The following IKZF2 variants were observed in gnomAD, a reference collection of about 807,000 sequenced individuals.
IKZF2 encodes IKAROS family zinc finger 2.
A neutral mutation model predicts 49.2 loss-of-function variants in IKZF2; 15 were observed. The ratio of observed to expected loss-of-function variants is 0.30; its 90% CI spans 0.20 to 0.47. IKZF2 has a LOEUF of 0.47. Ranked by LOEUF, IKZF2 falls within the 20% of genes least tolerant of loss-of-function variation. The pLI is 1.00. For missense variants in IKZF2, 567 were observed against 664.6 expected (o/e 0.85, Z 1.61); for synonymous variants, 227 against 221.4 (o/e 1.03, Z -0.23).
At chr2:213,056,678 ACT>A in intron 5 of IKZF2, 153 bp downstream of exon 5, 1 of 874,994 alleles carries the variant, frequency 1.1e-6, no homozygotes, top group South Asian at 1.4e-5. Context: ...GACCCAGGCT[ACT>A]CTCTGTTTTT....
At chr2:213,124,227 C>T (rs956964163) in intron 4 of IKZF2, among the ~76,000 whole-genome samples, 12 of 145,116 alleles carry the variant, frequency 8.3e-5, no homozygotes, top group African/African-American at 1.6e-4. Context: ...CTTGTGTGCA[C>T]GCACACATGC....
intron 4 of IKZF2, among the ~76,000 whole-genome samples, chr2:213,087,660 C>G (rs1704792719): frequency 6.6e-6 from 1 of 152,094 alleles, no homozygotes; most frequent in African/African-American, 2.4e-5. Context: ...ACTCCCTGCA[C>G]CCCATGACAG....
intron 6 of IKZF2, among the ~76,000 whole-genome samples, chr2:213,034,132 G>A (rs1038286569): frequency 1.3e-5 from 2 of 152,080 alleles, no homozygotes; most frequent in South Asian, 2.1e-4. Flanking sequence ...CTCACATCTC[G>A]TGGCCTTCAG....
At chr2:213,010,102 GC>G (rs1434694904) in intron 8 of IKZF2, among the ~76,000 whole-genome samples, 2 of 152,070 alleles carry the variant, frequency 1.3e-5, no homozygotes, top group Non-Finnish European at 2.9e-5. Context: ...TAGGTTTCTG[GC>G]CTAGGAAATT....
At chr2:213,009,628 A>G (rs530164627) in intron 8 of IKZF2, among the ~76,000 whole-genome samples, 1 of 152,242 alleles carries the variant, frequency 6.6e-6, no homozygotes, top group South Asian at 2.1e-4. Flanking sequence ...AATGTCAAAC[A>G]TTTCCAAATT....
chr2:213,080,984 G>GT (rs981028355), intron 4 of IKZF2, among the ~76,000 whole-genome samples: 7 of 152,208 alleles, frequency 4.6e-5, no homozygotes, highest in African/African-American at 1.2e-4. Context: ...GTTAGGTTGA[G>GT]TTTTTTTAGT....
Position 213,060,633 on chromosome 2 carries a change from C to T in IKZF2, c.140-3534G>A, listed in dbSNP as rs73987750. On this transcript the variant is annotated intron_variant, in intron 4 of 8. Transcript: ENST00000434687. ...TAAAGAATGTAAAACTTGGGCATAT[C>T]TGTGGAAATGTACACACGTTATCAT... Among the ~76,000 whole-genome samples the T allele has an allele frequency of 5.3e-3, 801 of 151,394 alleles. 7 individuals carry two copies. The highest frequency in any genetic ancestry group is 0.018 in the African/African-American group (756 of 41,462).
chr2:213,040,206 T>C (rs1011674547), intron 6 of IKZF2, among the ~76,000 whole-genome samples: 5 of 151,206 alleles, frequency 3.3e-5, no homozygotes, highest in Middle Eastern at 6.8e-3. Flanking sequence ...CAGAGGTACA[T>C]GTGCAGGTTT....
At chr2:213,012,547 C>G (rs1696081592) in intron 8 of IKZF2, among the ~76,000 whole-genome samples, 1 of 151,664 alleles carries the variant, frequency 6.6e-6, no homozygotes, top group Non-Finnish European at 1.5e-5. Flanking sequence ...AAAAAAGTTA[C>G]CAAAGGCCTG....
At chr2:213,105,537 G>A (rs1056264811) in intron 4 of IKZF2, among the ~76,000 whole-genome samples, 5 of 121,224 alleles carry the variant, frequency 4.1e-5, no homozygotes, top group Admixed American at 1.1e-4. Context: ...CAAAAAGCTT[G>A]ATTAAATGAT....
intron 4 of IKZF2, among the ~76,000 whole-genome samples, chr2:213,112,872 C>T (rs1405064602): frequency 6.6e-6 from 1 of 152,042 alleles, no homozygotes; most frequent in Non-Finnish European, 1.5e-5. Context: ...TAGCATCTAC[C>T]TCATAGGGTT....
chr2:213,080,179 G>GAGATAGATAAATAGATAGAT (rs1553571238), intron 4 of IKZF2, among the ~76,000 whole-genome samples: 1 of 97,096 alleles, frequency 1.0e-5, no homozygotes, highest in African/African-American at 2.9e-5. Context: ...AATCTATATA[G>GAGATAGATAAATAGATAGAT]AGATAGATAG....
rs1257706891 is a variant in IKZF2 at position 213,006,350 on chromosome 2, C to T, written c.*1010G>A. ...AAAGGGATTTCTAAGTGGGTTTTCTCCCCCTACTGTTAGCATAATTATATT... is the reference window on the plus strand; with the variant it reads ...AAAGGGATTTCTAAGTGGGTTTTCTTCCCCTACTGTTAGCATAATTATATT... On this transcript the variant is annotated 3_prime_UTR_variant, in exon 9 of 9. Transcript: ENST00000434687. 2 of 152,390 alleles carry T rather than the reference C, an allele frequency of 1.3e-5. No individual in the cohort carries two copies. The highest frequency in any genetic ancestry group is 3.9e-4 in the East Asian group (2 of 5,174). The allele number at this position is 152,390 out of a possible 1,614,324, so 9.4% of individuals were successfully genotyped here.
chr2:213,044,474 T>C (rs1699965641), intron 6 of IKZF2, among the ~76,000 whole-genome samples: 2 of 152,208 alleles, frequency 1.3e-5, no homozygotes, highest in African/African-American at 4.8e-5. Context: ...GATAGCCTCC[T>C]TATCACAGAG....
At chr2:213,089,170 A>C (rs1453811214) in intron 4 of IKZF2, among the ~76,000 whole-genome samples, 1 of 152,172 alleles carries the variant, frequency 6.6e-6, no homozygotes, top group Admixed American at 6.6e-5. Flanking sequence ...CAGGCTACTT[A>C]AGCCAAACAC....
intron 3 of IKZF2, 43 bp from the exon 4 acceptor site, chr2:213,147,855 A>C (rs1270268661): frequency 6.9e-7 from 1 of 1,440,530 alleles, no homozygotes; most frequent in South Asian, 1.1e-5. Flanking sequence ...ATTCATTGTC[A>C]CATAAGATGT....
rs910128496 is a variant in IKZF2, at chr2:213,001,991, T to C, written c.*5369A>G. On this transcript the variant is annotated 3_prime_UTR_variant, in exon 9 of 9. Coordinates refer to ENST00000434687, the MANE Select transcript of IKZF2 (RefSeq NM_001387220.1). ...TAAATTAAAGTAAGTAAAATCTTGG[T>C]AAGTGCATAGTAGGGGATTCAGTGA... The C allele has an allele frequency of 2.0e-5, 3 of 151,482 alleles. No homozygotes were observed. The highest frequency in any genetic ancestry group is 6.6e-5 in the Admixed American group (1 of 15,160). 9.4% of individuals were successfully genotyped at this position (151,482 alleles called of 1,614,324 possible). A position where few individuals can be genotyped will look rare whatever the true frequency, so the allele number is the denominator to read the frequency against.
chr2:213,084,701 T>C (rs1704368600), intron 4 of IKZF2, among the ~76,000 whole-genome samples: 2 of 152,090 alleles, frequency 1.3e-5, no homozygotes. Flanking sequence ...TCTGAAGGCC[T>C]TTTACACATG....
intron 4 of IKZF2, among the ~76,000 whole-genome samples, chr2:213,124,295 C>T (rs1462450939): frequency 7.3e-6 from 1 of 136,572 alleles, no homozygotes; most frequent in African/African-American, 2.6e-5. Flanking sequence ...CACACACACA[C>T]ACAGCCACAC....
Sources: gnomAD v4.1 joint callset for allele counts (sites outside exome capture counted in the v4.1 genomes callset) on GRCh38, gnomAD v4.1.1 for gene constraint, MANE v1.5 for transcripts, NCBI Gene and HGNC (gene_info 2026-07-23, HGNC 2026-07-21) for gene names.